TBC1D9B: variants seen among roughly 807,000 people sequenced by gnomAD.
The protein encoded by TBC1D9B is TBC1 domain family member 9B.
TBC1D9B carries 87 observed loss-of-function variants against 121.1 expected under a neutral mutation model. The observed-to-expected ratio is 0.72, with a 90% confidence interval of 0.60 to 0.86. The LOEUF (loss-of-function observed/expected upper bound fraction) is 0.86, where lower values mean the gene tolerates loss of function less well. Among genes scored for constraint, TBC1D9B ranks in the 40% least tolerant of loss-of-function variants. The pLI, the probability that TBC1D9B is intolerant of heterozygous loss-of-function variation, is 0.00. For synonymous variants in TBC1D9B, 668 were observed against 670.1 expected (o/e 1.00, Z 0.05); for missense variants, 1,540 against 1,628.6 (o/e 0.95, Z 0.94).
rs778851707 is a variant in TBC1D9B, at chr5:179,879,171, T to C, written c.1443A>G (p.Ser481=). Residue 481 remains serine (S), a synonymous_variant, in exon 9 of 21, where the codon TCA becomes TCG. Coordinates refer to ENST00000355235, the MANE Select transcript of TBC1D9B (RefSeq NM_015043.4). ...CGTACTCGAAGAAGTGGATGTGCCA[T>C]GACTCCTCTTTCATCTTCTCCTTGG... ...KGAKEKMKEE[S]WHIHFFEYGR... The C allele has an allele frequency of 1.2e-6, 2 of 1,604,220 alleles. No individual in the cohort carries two copies. The highest frequency in any genetic ancestry group is 1.7e-6 in the Non-Finnish European group (2 of 1,179,372).
chr5:179,875,886 A>G lies in TBC1D9B; in HGVS notation c.1900+34T>C, dbSNP rs747489936. 49 of 1,526,526 alleles carry G rather than the reference A, an allele frequency of 3.2e-5. No homozygotes were observed. Among genetic ancestry groups the G allele is most frequent in the Non-Finnish European group, 4.1e-5 (46 of 1,126,844 alleles). 94.6% of individuals were successfully genotyped at this position (1,526,526 alleles called of 1,614,324 possible). A position where few individuals can be genotyped will look rare whatever the true frequency, so the allele number is the denominator to read the frequency against. ...CCTCATGGAACCAGCAGGCACCTGG[A>G]GACCCAGGCGAGGCAGCACCCGGGG... On this transcript the variant is annotated intron_variant, in intron 11 of 20. Coordinates refer to ENST00000355235, the MANE Select transcript of TBC1D9B (RefSeq NM_015043.4). The surrounding 1 kb of genome is among the most constrained non-coding windows in gnomAD (Gnocchi z 4.5).
intron 6 of TBC1D9B, 46 bp from the exon 7 acceptor site, chr5:179,888,358 T>C (rs1760755460): frequency 6.3e-7 from 1 of 1,584,952 alleles, no homozygotes; most frequent in Non-Finnish European, 8.6e-7. Flanking sequence ...TCTCAGGCCC[T>C]GCAGCTGGGC....
rs565944486 is a variant in TBC1D9B at position 179,904,446 on chromosome 5, C to T, written c.229+256G>A. 5.9e-5 allele frequency among the ~76,000 whole-genome samples: 9 copies of T among 152,166 alleles called. No homozygotes were observed. Among genetic ancestry groups the T allele is most frequent in the South Asian group, 4.1e-4 (2 of 4,830 alleles). On this transcript the variant is annotated intron_variant, in intron 2 of 20. Coordinates refer to ENST00000355235, the MANE Select transcript of TBC1D9B (RefSeq NM_015043.4). This position sits in a 1 kb window ranked among gnomAD's most constrained non-coding sequence, Gnocchi z 4.2. The stretch of plus-strand genomic sequence containing the variant: ...TTCACCGTGTTAGCCAGGATGGTCT[C>T]GATCTCCTGACCTCGTGATCAGCCC...
At chr5:179,900,305 G>A (rs574961512) in intron 2 of TBC1D9B, among the ~76,000 whole-genome samples, 170 of 152,330 alleles carry the variant, frequency 1.1e-3, no homozygotes, top group Non-Finnish European at 1.9e-3. Flanking sequence ...AAGAAGCCCC[G>A]GGGGAAGAGC....
At chr5:179,884,348 C>T (rs1222924108) in intron 7 of TBC1D9B, 1 of 152,216 alleles carries the variant, frequency 6.6e-6, no homozygotes, top group Non-Finnish European at 1.5e-5. Context: ...GCCCCTCTTC[C>T]TTCCCGCCAT....
chr5:179,892,656 A>G (rs1430541832), intron 5 of TBC1D9B, among the ~76,000 whole-genome samples: 2 of 152,202 alleles, frequency 1.3e-5, no homozygotes, highest in Non-Finnish European at 2.9e-5. Context: ...CTTCAGACCC[A>G]GAGGTCTGCT....
chr5:179,874,638 T>A lies in TBC1D9B; in HGVS notation c.2186+264A>T, dbSNP rs550486360. ...CTCTGGTTTGCCCTCAGGGGAAGCATCTCCAACCCTACATCTGAGCGGTGG... is the reference window on the plus strand; with the variant it reads ...CTCTGGTTTGCCCTCAGGGGAAGCAACTCCAACCCTACATCTGAGCGGTGG... On this transcript the variant is annotated intron_variant, in intron 12 of 20. Coordinates refer to ENST00000355235, the MANE Select transcript of TBC1D9B (RefSeq NM_015043.4). This position sits in a 1 kb window ranked among gnomAD's most constrained non-coding sequence, Gnocchi z 4.3. Among the ~76,000 whole-genome samples, 9 of 152,228 alleles carry A rather than the reference T, an allele frequency of 5.9e-5. No individual in the cohort carries two copies. The South Asian group carries it at 1.5e-3, about 25-fold the overall frequency.
At position 179,893,192 on chromosome 5, in the gene TBC1D9B, C is replaced by A. The variant is rs766003842; in HGVS notation, c.836+17G>T. 2.0e-5 allele frequency: 32 copies of A among 1,590,888 alleles called. No homozygotes were observed. Among genetic ancestry groups the A allele is most frequent in the Non-Finnish European group, 2.4e-5 (28 of 1,167,836 alleles). On this transcript the variant is annotated intron_variant, in intron 5 of 20. Coordinates refer to ENST00000355235, the MANE Select transcript of TBC1D9B (RefSeq NM_015043.4). ...CTGGCTCACATGAGCCCACCCCAGC[C>A]CTGGAGGGCAACGCACCGCTTCAGG...
chr5:179,865,104 T>C lies in TBC1D9B; in HGVS notation c.3021+150A>G. 1.4e-6 allele frequency: 1 copy of C among 693,470 alleles called. No individual in the cohort carries two copies. 43.0% of individuals were successfully genotyped at this position (693,470 alleles called of 1,614,324 possible). On this transcript the variant is annotated intron_variant, in intron 20 of 20. Coordinates refer to ENST00000355235, the MANE Select transcript of TBC1D9B (RefSeq NM_015043.4). The surrounding 1 kb of genome is among the most constrained non-coding windows in gnomAD (Gnocchi z 5.1). The stretch of plus-strand genomic sequence containing the variant: ...CCTCTTGTCTTTCTGGAATCATCGC[T>C]GACTGGCAACCAGGACTAACGGGCT...
In TBC1D9B at chr5:179,904,220, CTTTTTTTTTTT is replaced by C. The variant is rs550418299; in HGVS notation, c.229+471_229+481del. ...CTGTCCCCATGACCAGTGGAGCTGCCTTTTTTTTTTTTTTTTTTTTTTGAGACGGAATCTCG... is the reference window on the plus strand; with the variant it reads ...CTGTCCCCATGACCAGTGGAGCTGCCTTTTTTTTTTTGAGACGGAATCTCG... On this transcript the variant is annotated intron_variant, in intron 2 of 20. Coordinates refer to ENST00000355235, the MANE Select transcript of TBC1D9B (RefSeq NM_015043.4). The surrounding 1 kb of genome is among the most constrained non-coding windows in gnomAD (Gnocchi z 4.2). 1.2e-5 allele frequency among the ~76,000 whole-genome samples: 1 copy of C among 80,898 alleles called. No homozygotes were observed. The highest frequency in any genetic ancestry group is 2.3e-5 in the Non-Finnish European group (1 of 43,630). 53.1% of individuals were successfully genotyped at this position (80,898 alleles called of 152,430 possible).
intron 2 of TBC1D9B, among the ~76,000 whole-genome samples, chr5:179,900,967 C>T (rs546787641): frequency 6.6e-6 from 1 of 152,324 alleles, no homozygotes; most frequent in African/African-American, 2.4e-5. Flanking sequence ...CAGGCTGGGC[C>T]TGTCACCTGC....
intron 3 of TBC1D9B, among the ~76,000 whole-genome samples, chr5:179,897,776 T>C (rs139881280): frequency 6.6e-6 from 1 of 152,258 alleles, no homozygotes; most frequent in African/African-American, 2.4e-5. Flanking sequence ...CTCACCAGAG[T>C]AAAGGCTTGC....
Position 179,863,297 on chromosome 5 carries a change from G to T in TBC1D9B, c.*151C>A. 2.2e-6 allele frequency: 2 copies of T among 905,792 alleles called. No homozygotes were observed. The highest frequency in any genetic ancestry group is 3.3e-6 in the Non-Finnish European group (2 of 609,170). 56.1% of individuals were successfully genotyped at this position (905,792 alleles called of 1,614,324 possible). ...GAATCTGTCTAAGGCAGCTGGGTCTGCACCAGCCTTCTTTCCACTCACAAC... is the reference window on the plus strand; with the variant it reads ...GAATCTGTCTAAGGCAGCTGGGTCTTCACCAGCCTTCTTTCCACTCACAAC... On this transcript the variant is annotated 3_prime_UTR_variant, in exon 21 of 21. Transcript: ENST00000355235. This position sits in a 1 kb window ranked among gnomAD's most constrained non-coding sequence, Gnocchi z 4.5.
Position 179,904,837 on chromosome 5 carries a change from G to C in TBC1D9B, c.119-25C>G, listed in dbSNP as rs539833584. On this transcript the variant is annotated intron_variant, in intron 1 of 20. Coordinates refer to ENST00000355235, the MANE Select transcript of TBC1D9B (RefSeq NM_015043.4). This position sits in a 1 kb window ranked among gnomAD's most constrained non-coding sequence, Gnocchi z 4.2. Reference sequence around the variant, plus strand: ...CCTGGGAACAGGGCAGAGAGACATAGAGGGTGAGGGGAGGGCCGGACTGAG... The same window carrying C: ...CCTGGGAACAGGGCAGAGAGACATACAGGGTGAGGGGAGGGCCGGACTGAG... 4 of 1,532,246 alleles carry C rather than the reference G, an allele frequency of 2.6e-6. No individual in the cohort carries two copies. The South Asian group carries it at 3.6e-5, about 14-fold the overall frequency. The allele number at this position is 1,532,246 out of a possible 1,614,324, so 94.9% of individuals were successfully genotyped here.
chr5:179,880,881 C>T (rs1278255636), intron 7 of TBC1D9B, among the ~76,000 whole-genome samples: 2 of 152,308 alleles, frequency 1.3e-5, no homozygotes, highest in South Asian at 2.1e-4. Flanking sequence ...ACGGCCCCAG[C>T]GCAGACTGAC....
At chr5:179,906,421 C>G (rs1383880430) in intron 1 of TBC1D9B, among the ~76,000 whole-genome samples, 1 of 152,174 alleles carries the variant, frequency 6.6e-6, no homozygotes, top group African/African-American at 2.4e-5. Flanking sequence ...TGCACCCGCC[C>G]GTTCAATGAG....
rs1442754367 is a variant in TBC1D9B, at chr5:179,876,006, A to G, written c.1814T>C (p.Leu605Pro). 3.1e-6 allele frequency: 5 copies of G among 1,612,754 alleles called. No individual in the cohort carries two copies. The Admixed American group carries it at 6.7e-5, about 22-fold the overall frequency. ...GAAGGCCTCCTCCTCACTGCCATAG[A>G]GCAGGAGCACCGAGGTCACGATGTT... ...AMNIVTSVLLLYGSEEEAFWL... is the reference protein window; with the variant it reads ...AMNIVTSVLLPYGSEEEAFWL... Residue 605 changes from leucine (L) to proline (P), a missense_variant, in exon 11 of 21, where the codon CTC (leucine) becomes CCC (proline). Physicochemically the swap from Leu to Pro is moderately conservative, Grantham distance 98. Coordinates refer to ENST00000355235, the MANE Select transcript of TBC1D9B (RefSeq NM_015043.4).
chr5:179,866,585 C>G (rs1760018757), intron 18 of TBC1D9B: 1 of 152,410 alleles, frequency 6.6e-6, no homozygotes, highest in Admixed American at 6.5e-5. Context: ...GCAACTCACC[C>G]TGGAATGGAG....
In TBC1D9B at chr5:179,904,429, G is replaced by C. The variant is rs1054334681; in HGVS notation, c.229+273C>G. 6.6e-6 allele frequency among the ~76,000 whole-genome samples: 1 copy of C among 152,032 alleles called. No homozygotes were observed. Among genetic ancestry groups the C allele is most frequent in the African/African-American group, 2.4e-5 (1 of 41,386 alleles). On this transcript the variant is annotated intron_variant, in intron 2 of 20. Transcript: ENST00000355235. This position sits in a 1 kb window ranked among gnomAD's most constrained non-coding sequence, Gnocchi z 4.2. ...TTTAGTAGAGACGTGGTTTCACCGT[G>C]TTAGCCAGGATGGTCTCGATCTCCT... is the stretch of plus-strand genomic sequence containing the variant.
Sources: allele counts gnomAD v4.1 joint callset (sites outside exome capture counted in the v4.1 genomes callset), GRCh38; gene constraint gnomAD v4.1.1; non-coding constraint Gnocchi (gnomAD v3.1); transcripts MANE v1.5; gene names NCBI Gene and HGNC (gene_info 2026-07-23, HGNC 2026-07-21).